The following TANGO6 variants were observed in gnomAD, a reference collection of about 807,000 sequenced individuals.
TANGO6 encodes transport and Golgi organization protein 6 homolog.
Under a neutral mutation model 114.2 loss-of-function variants are expected in TANGO6, and 90 were observed. The ratio of observed to expected loss-of-function variants is 0.79; its 90% CI spans 0.66 to 0.94. The LOEUF (loss-of-function observed/expected upper bound fraction) is 0.94, where lower values mean the gene tolerates loss of function less well. Ranked by LOEUF, TANGO6 falls within the 40% of genes least tolerant of loss-of-function variation. TANGO6 has a pLI of 0.00. For synonymous variants in TANGO6, 477 were observed against 509.8 expected, an observed-to-expected ratio of 0.94 and a Z score of 0.87; for missense variants, 1,274 against 1,315.3, an observed-to-expected ratio of 0.97 and a Z score of 0.49.
rs1305010165 is a variant in TANGO6, at chr16:68,909,231, G to A, written c.1821G>A (p.Ser607=). 2.7e-5 allele frequency: 43 copies of A among 1,585,422 alleles called. No individual in the cohort carries two copies. The highest frequency in any genetic ancestry group is 3.4e-5 in the Non-Finnish European group (40 of 1,163,472). Reference sequence around the variant, plus strand: ...TGTAGGAGTTGACTCATGTGGCCTCGGAAAATGAAACAGAGTTAAAAACTG... The same window carrying A: ...TGTAGGAGTTGACTCATGTGGCCTCAGAAAATGAAACAGAGTTAAAAACTG... ...FCLKELTHVA[S]ENETELKTEP... Residue 607 remains serine (S), a synonymous_variant, in exon 11 of 18, where the codon TCG becomes TCA. Transcript: ENST00000261778.
chr16:69,000,798 G>A (rs924375512), intron 15 of TANGO6, among the ~76,000 whole-genome samples: 2 of 152,018 alleles, frequency 1.3e-5, no homozygotes, highest in African/African-American at 2.4e-5. Flanking sequence ...TCACCATGTG[G>A]CCAGGCTGGT....
chr16:68,889,041 C>T (rs1300401939), intron 7 of TANGO6, among the ~76,000 whole-genome samples: 1 of 152,148 alleles, frequency 6.6e-6, no homozygotes, highest in East Asian at 1.9e-4. Context: ...CTGGGTTGTT[C>T]TCGAACTCCT....
intron 14 of TANGO6, among the ~76,000 whole-genome samples, chr16:68,962,375 T>C (rs963896047): frequency 1.3e-5 from 2 of 152,182 alleles, no homozygotes; most frequent in African/African-American, 4.8e-5. Flanking sequence ...GGAGGAAAAC[T>C]TTATTGTGCC....
At chr16:68,872,309 C>G (rs1383706304) in intron 4 of TANGO6, among the ~76,000 whole-genome samples, 1 of 143,486 alleles carries the variant, frequency 7.0e-6, no homozygotes, top group Non-Finnish European at 1.5e-5. Flanking sequence ...ATTTTTTTTT[C>G]TTTTTTTTTT....
At chr16:69,021,750 AG>A (rs1189526580) in intron 15 of TANGO6, among the ~76,000 whole-genome samples, 1 of 152,160 alleles carries the variant, frequency 6.6e-6, no homozygotes, top group Non-Finnish European at 1.5e-5. Context: ...ATTGGGGTCT[AG>A]GGTCTAGCCT....
chr16:68,946,710 C>T (rs1963418117), intron 14 of TANGO6, among the ~76,000 whole-genome samples: 1 of 152,112 alleles, frequency 6.6e-6, no homozygotes, highest in African/African-American at 2.4e-5. Context: ...CCATGTTGCC[C>T]AGGCTGGTCT....
intron 7 of TANGO6, among the ~76,000 whole-genome samples, chr16:68,890,169 G>A (rs1358786888): frequency 3.3e-5 from 5 of 152,232 alleles, no homozygotes; most frequent in South Asian, 2.1e-4. Flanking sequence ...GCTTGATTCC[G>A]AATAGGCCCC....
At chr16:68,985,460 A>T (rs1963880451) in intron 15 of TANGO6, among the ~76,000 whole-genome samples, 1 of 152,164 alleles carries the variant, frequency 6.6e-6, no homozygotes. Flanking sequence ...CTGTAATCCT[A>T]GCACTTCGAG....
intron 16 of TANGO6, among the ~76,000 whole-genome samples, chr16:69,039,834 A>G (rs1248921739): frequency 5.9e-5 from 9 of 152,144 alleles, no homozygotes; most frequent in Non-Finnish European, 1.2e-4. Flanking sequence ...CTAGGCTGAA[A>G]CTTTCATCAA....
chr16:68,981,071 A>G (rs1963831385), intron 15 of TANGO6, among the ~76,000 whole-genome samples: 1 of 152,218 alleles, frequency 6.6e-6, no homozygotes, highest in African/African-American at 2.4e-5. Flanking sequence ...TTGTACTCCT[A>G]GAAATTTAAT....
At chr16:69,056,997 C>CTTTTTTTTTTTTTTTTTTT in intron 17 of TANGO6, among the ~76,000 whole-genome samples, 1 of 59,822 alleles carries the variant, frequency 1.7e-5, no homozygotes, top group Non-Finnish European at 3.1e-5. Context: ...GCCTGATTTT[C>CTTTTTTTTTTTTTTTTTTT]TTTTTTTTTT....
At chr16:69,035,953 G>C (rs1198457974) in intron 16 of TANGO6, 1 of 148,930 alleles carries the variant, frequency 6.7e-6, no homozygotes, top group Non-Finnish European at 1.5e-5. Flanking sequence ...GCTGAGACAA[G>C]AATCACTTGA....
At chr16:68,894,350 A>G (rs542233108) in intron 7 of TANGO6, among the ~76,000 whole-genome samples, 2 of 152,284 alleles carry the variant, frequency 1.3e-5, no homozygotes, top group Admixed American at 1.3e-4. Context: ...TAACCTGCAT[A>G]GGAGTTCAGA....
intron 14 of TANGO6, 134 bp downstream of exon 14, chr16:68,930,429 G>A: frequency 1.5e-6 from 1 of 685,458 alleles, no homozygotes. Flanking sequence ...CTCCTAGCTA[G>A]GACACTTTAA....
At chr16:68,922,826 G>A (rs1963113497) in intron 12 of TANGO6, among the ~76,000 whole-genome samples, 1 of 151,268 alleles carries the variant, frequency 6.6e-6, no homozygotes, top group Admixed American at 6.6e-5. Flanking sequence ...TCCAAATCTT[G>A]AAATCTAGAT....
At chr16:68,895,687 G>A (rs79145048) in intron 7 of TANGO6, among the ~76,000 whole-genome samples, 11,659 of 152,188 alleles carry the variant, frequency 0.077, 547 homozygotes, top group Admixed American at 0.11. Flanking sequence ...GTAAATATAT[G>A]GCAGGCTTAT....
chr16:68,862,021 TAA>T (rs933866497), intron 2 of TANGO6, among the ~76,000 whole-genome samples: 3 of 150,822 alleles, frequency 2.0e-5, no homozygotes, highest in African/African-American at 7.4e-5. Context: ...TATTTTTTTT[TAA>T]TTTTTTTTTT....
chr16:68,850,900 TTC>T (rs891937311), intron 1 of TANGO6, among the ~76,000 whole-genome samples: 1 of 152,190 alleles, frequency 6.6e-6, no homozygotes, highest in Non-Finnish European at 1.5e-5. Flanking sequence ...GTTTTGCATT[TTC>T]TTTTTGATTT....
At chr16:69,022,271 A>T (rs980773350) in intron 15 of TANGO6, among the ~76,000 whole-genome samples, 4 of 152,206 alleles carry the variant, frequency 2.6e-5, no homozygotes, top group African/African-American at 9.6e-5. Flanking sequence ...CACATGTTTT[A>T]TCTCTACATG....
Sources: gnomAD v4.1 joint callset for allele counts (sites outside exome capture counted in the v4.1 genomes callset) on GRCh38, gnomAD v4.1.1 for gene constraint, MANE v1.5 for transcripts, NCBI Gene and HGNC (gene_info 2026-07-23, HGNC 2026-07-21) for gene names.